The following MPRIP variants were observed in gnomAD, a reference collection of about 807,000 sequenced individuals.
MPRIP encodes the protein myosin phosphatase Rho interacting protein, also known as myosin phosphatase Rho-interacting protein.
Under a neutral mutation model 234.9 loss-of-function variants are expected in MPRIP, and 59 were observed. The observed-to-expected ratio is 0.25, with a 90% CI of 0.20 to 0.31. MPRIP has a LOEUF of 0.31. Ranked by LOEUF, MPRIP falls within the 10% of genes least tolerant of loss-of-function variation. MPRIP has a pLI of 1.00. For synonymous variants in MPRIP, 1,144 were observed against 1,263.9 expected (o/e 0.91, Z 2.01); for missense variants, 2,436 against 3,071.0 (o/e 0.79, Z 4.89).
intron 16 of MPRIP, among the ~76,000 whole-genome samples, chr17:17,169,662 G>A (rs2046086648): frequency 6.6e-6 from 1 of 152,192 alleles, no homozygotes; most frequent in African/African-American, 2.4e-5. Context: ...TTCTAGCCCA[G>A]GTGTGGTGTT....
chr17:17,124,861 T>C (rs929263411), intron 3 of MPRIP, among the ~76,000 whole-genome samples: 1 of 152,064 alleles, frequency 6.6e-6, no homozygotes, highest in Non-Finnish European at 1.5e-5. Context: ...TTCTGTCAAA[T>C]AGAGTAAAGG....
In MPRIP at chr17:17,093,351, T is replaced by C. The variant is rs143718689; in HGVS notation, c.267+15275T>C. Among the ~76,000 whole-genome samples the C allele has an allele frequency of 1.3e-4, 20 of 152,318 alleles. 1 individual carries two copies. The East Asian group carries it at 3.7e-3, about 28-fold the overall frequency. ...TCTTTATTTCCAATGAAGAATTTTA[T>C]GTATAAACACACCTAAAGAGAAGTG... On this transcript the variant is annotated intron_variant, in intron 3 of 23. Transcript: ENST00000651222.
intron 3 of MPRIP, among the ~76,000 whole-genome samples, chr17:17,095,058 A>G (rs2089808850): frequency 6.6e-6 from 1 of 151,682 alleles, no homozygotes; most frequent in Admixed American, 6.6e-5. Context: ...TTGCCTTCTA[A>G]CCCTTCTGTT....
At chr17:17,117,705 G>C (rs2090313679) in intron 3 of MPRIP, among the ~76,000 whole-genome samples, 2 of 152,210 alleles carry the variant, frequency 1.3e-5, no homozygotes, top group Non-Finnish European at 1.5e-5. Context: ...CCTGTCTTCT[G>C]TTCTTTTGGG....
At chr17:17,178,302 A>G in intron 22 of MPRIP, 1 of 152,174 alleles carries the variant, frequency 6.6e-6, no homozygotes. Context: ...GTGCTAGCTC[A>G]CTAATATCAA....
intron 5 of MPRIP, among the ~76,000 whole-genome samples, chr17:17,134,685 G>A (rs1311680835): frequency 6.6e-6 from 1 of 152,218 alleles, no homozygotes; most frequent in Non-Finnish European, 1.5e-5. Flanking sequence ...CCAAGGCAGT[G>A]CCCCACCACC....
intron 3 of MPRIP, among the ~76,000 whole-genome samples, chr17:17,083,930 A>G (rs992280010): frequency 6.6e-6 from 1 of 152,082 alleles, no homozygotes; most frequent in African/African-American, 2.4e-5. Flanking sequence ...TTTTTAGTAG[A>G]AACGGTTTCA....
chr17:17,073,956 C>T (rs1038729883), intron 1 of MPRIP, among the ~76,000 whole-genome samples: 1 of 152,238 alleles, frequency 6.6e-6, no homozygotes, highest in Admixed American at 6.5e-5. Context: ...CACACAGCTC[C>T]ACTTGCACCA....
chr17:17,130,399 C>T (rs1404587213), intron 4 of MPRIP, among the ~76,000 whole-genome samples: 1 of 151,710 alleles, frequency 6.6e-6, no homozygotes, highest in Non-Finnish European at 1.5e-5. Flanking sequence ...CTCCCTCCTC[C>T]CCATGCTCTT....
intron 12 of MPRIP, among the ~76,000 whole-genome samples, 179 bp from the exon 13 acceptor site, chr17:17,154,127 C>G (rs11654247): frequency 0.087 from 13,314 of 152,270 alleles, 821 homozygotes; most frequent in East Asian, 0.18. Context: ...TTGACGTCTC[C>G]TGCTCTCCAG....
intron 19 of MPRIP, among the ~76,000 whole-genome samples, chr17:17,174,318 A>G (rs2046208641): frequency 2.0e-5 from 3 of 152,154 alleles, no homozygotes. Context: ...CACGTGCACC[A>G]CCTGCTTACA....
Position 17,172,867 on chromosome 17 carries a change from T to G in MPRIP, c.6590+52T>G. ...CCTTGGGAGGGCCCCTCTGGGGTGC[T>G]GACCAGGCCACAGCTGGGCCCTTCC... On this transcript the variant is annotated intron_variant, in intron 18 of 23. Coordinates refer to ENST00000651222, the MANE Select transcript of MPRIP (RefSeq NM_001364716.4). 2.0e-6 allele frequency: 3 copies of G among 1,498,050 alleles called. No homozygotes were observed. The South Asian group carries it at 3.4e-5, about 17-fold the overall frequency. 92.8% of individuals were successfully genotyped at this position (1,498,050 alleles called of 1,614,324 possible).
At chr17:17,173,170 G>C (rs1444803756) in intron 18 of MPRIP, among the ~76,000 whole-genome samples, 1 of 152,288 alleles carries the variant, frequency 6.6e-6, no homozygotes, top group African/African-American at 2.4e-5. Flanking sequence ...GTACAGGGCA[G>C]AAGTGAGAAC....
chr17:17,175,260 C>T, intron 19 of MPRIP, 33 bp from the exon 20 acceptor site: 2 of 1,612,400 alleles, frequency 1.2e-6, no homozygotes, highest in Non-Finnish European at 1.7e-6. Flanking sequence ...CCAGGCAGCT[C>T]TGGAGTGTCA....
At chr17:17,152,798 G>T (rs79058526) in intron 12 of MPRIP, among the ~76,000 whole-genome samples, 2,863 of 152,322 alleles carry the variant, frequency 0.019, 82 homozygotes, top group African/African-American at 0.064. Flanking sequence ...GGCTGGCACG[G>T]TAAAGCTGGG....
intron 17 of MPRIP, 75 bp downstream of exon 17, chr17:17,171,940 A>G (rs1025243466): frequency 6.8e-7 from 1 of 1,473,814 alleles, no homozygotes; most frequent in Non-Finnish European, 9.2e-7. Flanking sequence ...ACTCAGAGGA[A>G]TGGCAGCCTT....
chr17:17,099,493 A>G (rs2089915848), intron 3 of MPRIP, among the ~76,000 whole-genome samples: 1 of 152,232 alleles, frequency 6.6e-6, no homozygotes, highest in African/African-American at 2.4e-5. Context: ...CAGGAGGCCA[A>G]AGTGGGAGAG....
At chr17:17,173,412 A>G (rs1204090547) in intron 18 of MPRIP, among the ~76,000 whole-genome samples, 1 of 152,236 alleles carries the variant, frequency 6.6e-6, no homozygotes, top group Admixed American at 6.5e-5. Context: ...AGCACCCTGT[A>G]GAGGCTCACG....
At chr17:17,171,058 C>G (rs1032915221) in intron 16 of MPRIP, 1 of 152,146 alleles carries the variant, frequency 6.6e-6, no homozygotes, top group Admixed American at 6.5e-5. Flanking sequence ...GAAGGGGAGC[C>G]TGTAGCCTGA....
Sources: allele counts gnomAD v4.1 joint callset (sites outside exome capture counted in the v4.1 genomes callset), GRCh38; gene constraint gnomAD v4.1.1; transcripts MANE v1.5; gene names NCBI Gene and HGNC (gene_info 2026-07-23, HGNC 2026-07-21).